IRX2: variants seen among roughly 807,000 people sequenced by gnomAD.
IRX2 encodes the protein iroquois homeobox 2, also known as iroquois-class homeodomain protein IRX-2.
In IRX2, 26 loss-of-function variants were observed where a neutral mutation model predicts 42.9. The ratio of observed to expected loss-of-function variants is 0.61; its 90% CI spans 0.44 to 0.84. The LOEUF (loss-of-function observed/expected upper bound fraction) is 0.84, where lower values mean the gene tolerates loss of function less well. Ranked by LOEUF, IRX2 falls within the 40% of genes least tolerant of loss-of-function variation. The pLI, the probability that IRX2 is intolerant of heterozygous loss-of-function variation, is 0.00. For synonymous variants in IRX2, 424 were observed against 353.9 expected (o/e 1.20, Z -2.22); for missense variants, 782 against 713.9 (o/e 1.10, Z -1.09).
Position 2,751,282 on chromosome 5 carries a change from C to A in IRX2, c.132G>T (p.Ala44=). The A allele has an allele frequency of 7.0e-7, 1 of 1,429,316 alleles. No individual in the cohort carries two copies. 88.5% of individuals were successfully genotyped at this position (1,429,316 alleles called of 1,614,324 possible). A position where few individuals can be genotyped will look rare whatever the true frequency, so the allele number is the denominator to read the frequency against. The part of the protein sequence containing the change: ...EELARSASGS[A]FSPYPGSAAF... Reference sequence around the variant, plus strand: ...CCGCCGAGCCCGGGTAGGGGCTGAACGCCGAGCCCGACGCCGAGCGCGCCA... The same window carrying A: ...CCGCCGAGCCCGGGTAGGGGCTGAAAGCCGAGCCCGACGCCGAGCGCGCCA... The change falls in exon 1 of 4, where the codon GCG becomes GCT. Residue 44 remains alanine, a synonymous_variant. Transcript: ENST00000302057. The surrounding 1 kb of genome is among the most constrained non-coding windows in gnomAD (Gnocchi z 4.0).
the IRX2 span, among the ~76,000 whole-genome samples, chr5:2,740,542 G>T: frequency 4.9e-4 from 75 of 152,346 alleles, no homozygotes; most frequent in African/African-American, 1.8e-3. Flanking sequence ...CAGTCCCGGG[G>T]CTGGAGAGCC....
chr5:2,745,072 T>C (rs1737627335), downstream of IRX2, among the ~76,000 whole-genome samples: 2 of 152,318 alleles, frequency 1.3e-5, no homozygotes, highest in Middle Eastern at 3.4e-3. Flanking sequence ...TCAGACACAT[T>C]GGCCTATCGG....
chr5:2,738,441 C>T, the IRX2 span, among the ~76,000 whole-genome samples: 1 of 152,180 alleles, frequency 6.6e-6, no homozygotes, highest in Non-Finnish European at 1.5e-5. Context: ...GCCATGGCCT[C>T]CTATTTAAAT....
rs112859459 is a variant in IRX2 at position 2,748,036 on chromosome 5, T to G, written c.1363+309A>C. On this transcript the variant is annotated intron_variant, in intron 3 of 3. Transcript: ENST00000302057. ...GACACCGAAACACACCCAGGCTCAT[T>G]AGGGCGACACGCTGTAATTTGAATT... is the stretch of plus-strand genomic sequence containing the variant. Among the ~76,000 whole-genome samples the G allele has an allele frequency of 4.4e-3, 667 of 152,242 alleles. 8 individuals are homozygous for G. The highest frequency in any genetic ancestry group is 0.015 in the African/African-American group (643 of 41,546).
chr5:2,748,546 A>G lies in IRX2; in HGVS notation c.1162T>C (p.Phe388Leu). ...LGRPLYYTSP[F>L]YGNYTNYGNL... ...CCGTAGTTTGTGTAGTTGCCGTAGAAGGGCGACGTGTAGTAGAGGGGGCGG... is the reference window on the plus strand; with the variant it reads ...CCGTAGTTTGTGTAGTTGCCGTAGAGGGGCGACGTGTAGTAGAGGGGGCGG... The change falls in exon 3 of 4, where the codon TTC becomes CTC. Residue 388 changes from phenylalanine to leucine, a missense_variant. Coordinates refer to ENST00000302057, the MANE Select transcript of IRX2 (RefSeq NM_033267.5). 1 of 1,577,356 alleles carries G rather than the reference A, an allele frequency of 6.3e-7. No individual in the cohort carries two copies. The highest frequency in any genetic ancestry group is 1.1e-5 in the South Asian group (1 of 88,474).
chr5:2,737,564 A>G, the IRX2 span, among the ~76,000 whole-genome samples: 28 of 152,286 alleles, frequency 1.8e-4, no homozygotes, highest in Non-Finnish European at 4.1e-4. Context: ...GCAGGTCTCG[A>G]GTGCTGTCCT....
At position 2,748,468 on chromosome 5, in the gene IRX2, C is replaced by T; in HGVS notation, c.1240G>A (p.Ala414Thr). The change falls in exon 3 of 4, where the codon GCC (alanine) becomes ACC (threonine). Residue 414 changes from alanine (A) to threonine (T), a missense_variant. Around this residue, in one of 3 missense-constraint regions of IRX2, gnomAD observed 520 missense variants for 437.8 expected, o/e 1.19. Coordinates refer to ENST00000302057, the MANE Select transcript of IRX2 (RefSeq NM_033267.5). ...GQGLLRYNSA[A>T]AAPGEALHTA... is the part of the protein sequence containing the mutation. ...TGCAGGGCCTCGCCGGGGGCCGCGG[C>T]CGCAGAGTTGTACCGCAGGAGACCC... 1 of 1,573,226 alleles carries T rather than the reference C, an allele frequency of 6.4e-7. No individual in the cohort carries two copies. Among genetic ancestry groups the T allele is most frequent in the Non-Finnish European group, 8.6e-7 (1 of 1,162,946 alleles).
chr5:2,747,081 G>A lies in IRX2; in HGVS notation c.*483C>T, dbSNP rs1395639881. 6.6e-6 allele frequency: 1 copy of A among 151,906 alleles called. No individual in the cohort carries two copies. Among genetic ancestry groups the A allele is most frequent in the Non-Finnish European group, 1.5e-5 (1 of 67,988 alleles). The allele number at this position is 151,906 out of a possible 1,614,324, so 9.4% of individuals were successfully genotyped here. On this transcript the variant is annotated 3_prime_UTR_variant, in exon 4 of 4. Transcript: ENST00000302057. The stretch of plus-strand genomic sequence containing the variant: ...TTATTTTGCAAACATCATCTATAAA[G>A]GTTTTTGCTACTCCAAGTTTTGGTA...
intron 3 of IRX2, among the ~76,000 whole-genome samples, 161 bp downstream of exon 3, chr5:2,748,184 G>A (rs986366508): frequency 6.6e-6 from 1 of 152,204 alleles, no homozygotes; most frequent in Non-Finnish European, 1.5e-5. Context: ...ACCTTCTTTG[G>A]CTTCCATCTC....
chr5:2,740,707 CGG>C, the IRX2 span, among the ~76,000 whole-genome samples: 1 of 152,122 alleles, frequency 6.6e-6, no homozygotes, highest in Admixed American at 6.5e-5. Context: ...GGACGTGGGC[CGG>C]GTGGAAGGTG....
downstream of IRX2, among the ~76,000 whole-genome samples, chr5:2,741,135 G>A (rs953821969): frequency 6.6e-6 from 1 of 152,236 alleles, no homozygotes; most frequent in African/African-American, 2.4e-5. Context: ...TATTAGTAAG[G>A]ACTAAAAACA....
At chr5:2,736,556 C>T in the IRX2 span, 2 of 152,132 alleles carry the variant, frequency 1.3e-5, no homozygotes, top group African/African-American at 2.4e-5. Context: ...GATTTGCTAT[C>T]AATTTTTGAT....
At chr5:2,743,386 G>C (rs956200417), downstream of IRX2, among the ~76,000 whole-genome samples, 3 of 152,294 alleles carry the variant, frequency 2.0e-5, no homozygotes, top group African/African-American at 7.2e-5. Context: ...GCCGGCCGCC[G>C]GGCAAGCGCC....
At chr5:2,750,957 C>T (rs1267868756) in intron 1 of IRX2, among the ~76,000 whole-genome samples, 2 of 151,846 alleles carry the variant, frequency 1.3e-5, no homozygotes, top group African/African-American at 4.8e-5. Context: ...CCCGGCCGGG[C>T]TCAGGGACGT....
rs1165653822 is a variant in IRX2 at position 2,747,306 on chromosome 5, CAT to C, written c.*256_*257del. The C allele has an allele frequency of 2.2e-3, 473 of 217,840 alleles. No homozygotes were observed. Among genetic ancestry groups the C allele is most frequent in the African/African-American group, 9.6e-3 (342 of 35,790 alleles). The allele number at this position is 217,840 out of a possible 1,614,324, so 13.5% of individuals were successfully genotyped here. A position where few individuals can be genotyped will look rare whatever the true frequency, so the allele number is the denominator to read the frequency against. The stretch of plus-strand genomic sequence containing the variant: ...TATATATTACACACACACACACACA[CAT>C]ATATATATATATTTTTTTTTTCCTT... On this transcript the variant is annotated 3_prime_UTR_variant, in exon 4 of 4. Coordinates refer to ENST00000302057, the MANE Select transcript of IRX2 (RefSeq NM_033267.5).
Position 2,748,585 on chromosome 5 carries a change from A to C in IRX2, c.1123T>G (p.Ser375Ala). 6.4e-7 allele frequency: 1 copy of C among 1,556,114 alleles called. No homozygotes were observed. The highest frequency in any genetic ancestry group is 8.7e-7 in the Non-Finnish European group (1 of 1,154,446). ...TAGAGGGGGCGGCCCAGCAGCGGCG[A>C]GGCAGGGTAGGGCGAGCCTCCTGGC... ...APPGGSPYPA[S>A]PLLGRPLYYT... Residue 375 changes from serine (S) to alanine (A), a missense_variant, in exon 3 of 4, where the codon TCG becomes GCG. By Grantham distance (99) the Ser-to-Ala change is moderately conservative. Around this residue, in one of 3 missense-constraint regions of IRX2, gnomAD observed 520 missense variants for 437.8 expected, o/e 1.19. Transcript: ENST00000302057.
the IRX2 span, among the ~76,000 whole-genome samples, chr5:2,739,799 G>A: frequency 2.6e-5 from 4 of 152,180 alleles, no homozygotes; most frequent in Non-Finnish European, 4.4e-5. Context: ...GGCCAGCCAC[G>A]GAGGAGTCCC....
At chr5:2,745,115 T>C (rs893069885), downstream of IRX2, among the ~76,000 whole-genome samples, 4 of 152,212 alleles carry the variant, frequency 2.6e-5, no homozygotes, top group South Asian at 2.1e-4. Context: ...ATTTTATAAA[T>C]TGTTCAATAT....
rs924925386 is a variant in IRX2 at position 2,749,165 on chromosome 5, C to T, written c.656-113G>A. On this transcript the variant is annotated intron_variant, in intron 2 of 3. Transcript: ENST00000302057. ...CCTCCCCACGGGACCCCTCACCTCG[C>T]CCCCACCCGGCCACGTGACAGGCGG... is the stretch of plus-strand genomic sequence containing the variant. The T allele has an allele frequency of 4.1e-5, 61 of 1,487,606 alleles. No individual in the cohort carries two copies. In the African/African-American group the frequency reaches 5.9e-4, roughly 14 times the overall value. 92.2% of individuals were successfully genotyped at this position (1,487,606 alleles called of 1,614,324 possible). A position where few individuals can be genotyped will look rare whatever the true frequency, so the allele number is the denominator to read the frequency against.
Sources: allele counts gnomAD v4.1 joint callset (sites outside exome capture counted in the v4.1 genomes callset), GRCh38; gene constraint gnomAD v4.1.1; regional missense constraint gnomAD v4.1.1; non-coding constraint Gnocchi (gnomAD v3.1); transcripts MANE v1.5; gene names NCBI Gene and HGNC (gene_info 2026-07-23, HGNC 2026-07-21).